Variants in MALRD1 observed in about 807,000 individuals in gnomAD.
MALRD1 encodes the protein MAM and LDL receptor class A domain containing 1.
In MALRD1, 247 loss-of-function variants were observed where a neutral mutation model predicts 242.1. The ratio of observed to expected loss-of-function variants is 1.02; its 90% CI spans 0.92 to 1.13. MALRD1 has a LOEUF of 1.13. MALRD1 is among the 50% of genes most tolerant of loss of function. The pLI is 0.00. For missense variants in MALRD1, 2,989 were observed against 2,533.1 expected, an observed-to-expected ratio of 1.18 and a Z score of -3.86; for synonymous variants, 995 against 866.6, an observed-to-expected ratio of 1.15 and a Z score of -2.60.
chr10:19,195,803 A>G (rs770082587), intron 14 of MALRD1, among the ~76,000 whole-genome samples: 1 of 152,074 alleles, frequency 6.6e-6, no homozygotes, highest in Non-Finnish European at 1.5e-5. Context: ...CTCACTTTAC[A>G]TTGGGGATTG....
chr10:19,695,341 G>C (rs918225263), intron 38 of MALRD1, among the ~76,000 whole-genome samples: 1 of 152,078 alleles, frequency 6.6e-6, no homozygotes, highest in Non-Finnish European at 1.5e-5. Flanking sequence ...AACGGCAAAG[G>C]AAATTATTTC....
chr10:19,670,923 G>C (rs1841890002), intron 36 of MALRD1, among the ~76,000 whole-genome samples: 1 of 150,448 alleles, frequency 6.6e-6, no homozygotes, highest in South Asian at 2.1e-4. Context: ...CTGTTGCCCG[G>C]GCTGGAGTGC....
intron 4 of MALRD1, among the ~76,000 whole-genome samples, chr10:19,094,412 C>T (rs556948123): frequency 3.9e-4 from 57 of 146,112 alleles, no homozygotes; most frequent in Admixed American, 9.7e-4. Flanking sequence ...TGACCCCTTG[C>T]GCTTCCCAGG....
Position 19,533,902 on chromosome 10 carries a change from A to G in MALRD1, c.5478+2551A>G, listed in dbSNP as rs531780133. ...TCCGTGGGTGACCTCAGTAGGGCCA[A>G]TCATAGGGTCCTCTAAGCATTTAAT... On this transcript the variant is annotated intron_variant, in intron 32 of 39. Transcript: ENST00000454679. 4.6e-4 allele frequency among the ~76,000 whole-genome samples: 70 copies of G among 152,338 alleles called. 1 individual carries two copies. The highest frequency in any genetic ancestry group is 7.9e-4 in the Non-Finnish European group (54 of 68,022).
chr10:19,095,231 T>G (rs541809298), intron 4 of MALRD1, among the ~76,000 whole-genome samples: 1 of 152,162 alleles, frequency 6.6e-6, no homozygotes, highest in Non-Finnish European at 1.5e-5. Flanking sequence ...ATTGTAAAAG[T>G]TGAATTATAA....
chr10:19,054,608 C>T (rs1834607793), intron 1 of MALRD1, among the ~76,000 whole-genome samples: 1 of 152,214 alleles, frequency 6.6e-6, no homozygotes, highest in Non-Finnish European at 1.5e-5. Context: ...TTTTCTGCTT[C>T]TCTAAGTTCA....
Position 19,352,017 on chromosome 10 carries a change from T to C in MALRD1, c.4161T>C (p.His1387=). Residue 1387 remains histidine (H), a synonymous_variant, in exon 26 of 40, where the codon CAT becomes CAC. Coordinates refer to ENST00000454679, the MANE Select transcript of MALRD1 (RefSeq NM_001142308.3). ...KRSKNCKIIF[H]YHMYGNGIGA... ...ATTCTTGATTACAGATTATTTTTCA[T>C]TATCACATGTATGGAAATGGCATTG... 2 of 1,546,656 alleles carry C rather than the reference T, an allele frequency of 1.3e-6. No individual in the cohort carries two copies. The highest frequency in any genetic ancestry group is 1.7e-6 in the Non-Finnish European group (2 of 1,143,652).
intron 38 of MALRD1, among the ~76,000 whole-genome samples, chr10:19,719,246 A>G (rs868438047): frequency 6.7e-5 from 9 of 134,436 alleles, no homozygotes; most frequent in African/African-American, 2.6e-4. Flanking sequence ...ATATATATAT[A>G]TATATATATA....
intron 29 of MALRD1, among the ~76,000 whole-genome samples, chr10:19,451,794 T>C (rs1835342372): frequency 6.6e-6 from 1 of 152,190 alleles, no homozygotes; most frequent in Non-Finnish European, 1.5e-5. Flanking sequence ...TCGAATTCCC[T>C]CTCCTCCAAC....
At chr10:19,597,737 A>G (rs1263084440) in intron 34 of MALRD1, among the ~76,000 whole-genome samples, 1 of 152,176 alleles carries the variant, frequency 6.6e-6, no homozygotes, top group Non-Finnish European at 1.5e-5. Flanking sequence ...GAGGAATACT[A>G]TATGAGCAAT....
chr10:19,535,119 A>G (rs1290770822), intron 32 of MALRD1, among the ~76,000 whole-genome samples: 2 of 151,962 alleles, frequency 1.3e-5, no homozygotes, highest in Non-Finnish European at 2.9e-5. Context: ...CTCCTGACCT[A>G]GTGATTCGCC....
At chr10:19,320,255 G>A (rs944985551) in intron 21 of MALRD1, among the ~76,000 whole-genome samples, 8 of 151,714 alleles carry the variant, frequency 5.3e-5, no homozygotes, top group African/African-American at 1.9e-4. Flanking sequence ...AGTGTGTGAT[G>A]TTCCCCTTCC....
intron 30 of MALRD1, 113 bp from the exon 31 acceptor site, chr10:19,498,372 A>G (rs1837816801): frequency 1.1e-6 from 1 of 908,662 alleles, no homozygotes; most frequent in South Asian, 2.0e-5. Context: ...CTGTAAGTGT[A>G]TTTATAAAGA....
At chr10:19,560,044 T>G (rs540835193) in intron 32 of MALRD1, among the ~76,000 whole-genome samples, 3 of 152,188 alleles carry the variant, frequency 2.0e-5, no homozygotes, top group Non-Finnish European at 4.4e-5. Context: ...TTGTTAGGAG[T>G]GTAAATTAGT....
intron 13 of MALRD1, among the ~76,000 whole-genome samples, chr10:19,171,989 ATATGTATATAT>A (rs1835010356): frequency 4.9e-5 from 1 of 20,288 alleles, no homozygotes; most frequent in East Asian, 6.9e-4. Context: ...ATCATATAAT[ATATGTATATAT>A]CACATATATG....
At chr10:19,719,113 C>T (rs1398680695) in intron 38 of MALRD1, among the ~76,000 whole-genome samples, 24 of 147,952 alleles carry the variant, frequency 1.6e-4, no homozygotes. Context: ...GATCCCACGA[C>T]TGCACTCCAA....
chr10:19,534,669 A>G (rs1300358764), intron 32 of MALRD1, among the ~76,000 whole-genome samples: 1 of 152,184 alleles, frequency 6.6e-6, no homozygotes, highest in East Asian at 1.9e-4. Context: ...AGAATAAAAT[A>G]AATGATCATA....
At chr10:19,514,312 T>C (rs1833535736) in intron 31 of MALRD1, among the ~76,000 whole-genome samples, 1 of 152,182 alleles carries the variant, frequency 6.6e-6, no homozygotes, top group Admixed American at 6.5e-5. Context: ...TAACATATCA[T>C]ACAATATAAT....
At chr10:19,593,708 C>A (rs1837933362) in intron 33 of MALRD1, among the ~76,000 whole-genome samples, 1 of 152,194 alleles carries the variant, frequency 6.6e-6, no homozygotes. Context: ...AGTCAACACT[C>A]AACAGTCAGC....
Sources: gnomAD v4.1 joint callset for allele counts (sites outside exome capture counted in the v4.1 genomes callset) on GRCh38, gnomAD v4.1.1 for gene constraint, MANE v1.5 for transcripts, NCBI Gene and HGNC (gene_info 2026-07-23, HGNC 2026-07-21) for gene names.